Variants in CACNA1C observed in about 807,000 individuals in gnomAD.
The protein encoded by CACNA1C is voltage-dependent L-type calcium channel subunit alpha-1C.
In CACNA1C, 30 loss-of-function variants were observed where a neutral mutation model predicts 229.0. The ratio of observed to expected loss-of-function variants is 0.13; its 90% CI spans 0.10 to 0.18. The LOEUF (loss-of-function observed/expected upper bound fraction) is 0.18. Among genes scored for constraint, CACNA1C ranks in the 10% least tolerant of loss-of-function variants. CACNA1C has a pLI of 1.00. For synonymous variants in CACNA1C, 1,114 were observed against 1,132.5 expected, an observed-to-expected ratio of 0.98 and a Z score of 0.33; for missense variants, 1,658 against 2,845.0, an observed-to-expected ratio of 0.58 and a Z score of 9.49.
chr12:2,092,233 A>G (rs2071487163), intron 1 of CACNA1C, among the ~76,000 whole-genome samples: 1 of 152,182 alleles, frequency 6.6e-6, no homozygotes, highest in Admixed American at 6.5e-5. Context: ...GCCCCTACAT[A>G]AAGCATCCTT....
chr12:2,566,112 T>C lies in CACNA1C; in HGVS notation c.1509-310T>C, dbSNP rs1226389429. 2.0e-5 allele frequency among the ~76,000 whole-genome samples: 3 copies of C among 152,198 alleles called. No homozygotes were observed. Among genetic ancestry groups the C allele is most frequent in the African/African-American group, 7.2e-5 (3 of 41,440 alleles). On this transcript the variant is annotated intron_variant, in intron 11 of 46. Transcript: ENST00000399655. The surrounding 1 kb of genome is among the most constrained non-coding windows in gnomAD (Gnocchi z 4.0). ...CTGTTTCACAAAAATTAAAAAAACT[T>C]CCATTTATTGAGCATCTTCAACTTC...
In CACNA1C at chr12:2,647,177, C is replaced by CT. The variant is rs1202324727; in HGVS notation, c.3913-1296dup. Among the ~76,000 whole-genome samples, 1 of 152,216 alleles carries CT rather than the reference C, an allele frequency of 6.6e-6. No homozygotes were observed. The highest frequency in any genetic ancestry group is 1.9e-4 in the East Asian group (1 of 5,200). ...CATAACACATTTTCCTTGTTTGTACCTTAAAAACAGAAATACAAGAGCAAC... is the reference window on the plus strand; with the variant it reads ...CATAACACATTTTCCTTGTTTGTACCTTTAAAAACAGAAATACAAGAGCAAC... On this transcript the variant is annotated intron_variant, in intron 30 of 46. Coordinates refer to ENST00000399655, the MANE Select transcript of CACNA1C (RefSeq NM_000719.7). The surrounding 1 kb of genome is among the most constrained non-coding windows in gnomAD (Gnocchi z 4.2).
intron 3 of CACNA1C, among the ~76,000 whole-genome samples, chr12:2,269,358 A>G (rs1403775442): frequency 6.6e-6 from 1 of 152,160 alleles, no homozygotes; most frequent in East Asian, 1.9e-4. Context: ...ATGAACTTTG[A>G]GACTGTCTCT....
chr12:2,320,523 C>G (rs1020401704), intron 3 of CACNA1C, among the ~76,000 whole-genome samples: 1 of 152,182 alleles, frequency 6.6e-6, no homozygotes, highest in African/African-American at 2.4e-5. Context: ...ACCCTCTGCC[C>G]CCGCTCCTCC....
At chr12:2,188,766 A>G (rs1370830722) in intron 3 of CACNA1C, among the ~76,000 whole-genome samples, 1 of 152,120 alleles carries the variant, frequency 6.6e-6, no homozygotes, top group Non-Finnish European at 1.5e-5. Context: ...ATCCCAGATG[A>G]TACTAAATCA....
intron 1 of CACNA1C, among the ~76,000 whole-genome samples, chr12:2,043,326 T>C (rs2050464956): frequency 6.6e-6 from 1 of 152,210 alleles, no homozygotes. Flanking sequence ...TGGAGCTTAA[T>C]ATAATACAAA....
chr12:2,479,364 A>G lies in CACNA1C; in HGVS notation c.758-6740A>G, dbSNP rs560585732. Among the ~76,000 whole-genome samples the G allele has an allele frequency of 1.5e-3, 232 of 152,278 alleles. No homozygotes were observed. The highest frequency in any genetic ancestry group is 0.014 in the South Asian group (67 of 4,814). ...TGAAGTGCTGGGATTACAAGCCTAA[A>G]GCCACTGTGCCTGGCCTTGAACACC... is the stretch of plus-strand genomic sequence containing the variant. On this transcript the variant is annotated intron_variant, in intron 5 of 46. Transcript: ENST00000399655. This position sits in a 1 kb window ranked among gnomAD's most constrained non-coding sequence, Gnocchi z 4.3.
chr12:2,434,320 C>G (rs74059848), intron 3 of CACNA1C, among the ~76,000 whole-genome samples: 5,206 of 152,216 alleles, frequency 0.034, 301 homozygotes, highest in African/African-American at 0.12. Flanking sequence ...AATTCTAGAA[C>G]CACTAGGGGT....
At position 2,410,533 on chromosome 12, in the gene CACNA1C, A is replaced by G. The variant is rs1003349167; in HGVS notation, c.478-38443A>G. On this transcript the variant is annotated intron_variant, in intron 3 of 46. Transcript: ENST00000399655. The surrounding 1 kb of genome is among the most constrained non-coding windows in gnomAD (Gnocchi z 5.3). ...AATATTTAAAGTAAATGAGGAAAAA[A>G]TATGCTTGGAGTAAAAAGCATCTGG... is the stretch of plus-strand genomic sequence containing the variant. Among the ~76,000 whole-genome samples the G allele has an allele frequency of 9.2e-5, 14 of 152,260 alleles. No homozygotes were observed. Among genetic ancestry groups the G allele is most frequent in the Non-Finnish European group, 5.9e-5 (4 of 68,046 alleles).
chr12:2,100,464 C>G (rs1484429006), intron 1 of CACNA1C, among the ~76,000 whole-genome samples: 1 of 81,094 alleles, frequency 1.2e-5, no homozygotes, highest in African/African-American at 4.5e-5. Context: ...GAGACTCCAT[C>G]TCAAAAAAAA....
intron 18 of CACNA1C, among the ~76,000 whole-genome samples, chr12:2,588,505 CAG>C (rs1183963967): frequency 6.6e-6 from 1 of 152,218 alleles, no homozygotes; most frequent in Non-Finnish European, 1.5e-5. Context: ...AGTGATGTAT[CAG>C]AGTGGCCAAG....
At chr12:1,993,932 A>G (rs2040167282) in intron 1 of CACNA1C, among the ~76,000 whole-genome samples, 1 of 152,240 alleles carries the variant, frequency 6.6e-6, no homozygotes, top group Non-Finnish European at 1.5e-5. Flanking sequence ...GTGAGGACAC[A>G]GCCTGAACTA....
chr12:2,658,478 G>A (rs1316137181), intron 34 of CACNA1C, among the ~76,000 whole-genome samples: 2 of 152,138 alleles, frequency 1.3e-5, no homozygotes, highest in East Asian at 1.9e-4. Context: ...TCAGGTGTTC[G>A]TGGTGCTGCC....
At chr12:2,254,434 T>C (rs2076636679) in intron 3 of CACNA1C, among the ~76,000 whole-genome samples, 1 of 152,208 alleles carries the variant, frequency 6.6e-6, no homozygotes, top group Admixed American at 6.5e-5. Context: ...CTGTGAACTC[T>C]GTAACCCTGT....
chr12:2,680,291 C>T, intron 42 of CACNA1C: 5 of 1,159,666 alleles, frequency 4.3e-6, no homozygotes, highest in Non-Finnish European at 4.8e-6. Flanking sequence ...AGGATCATTC[C>T]TGGAGGTCTT....
At chr12:2,045,585 G>A (rs937107364) in intron 1 of CACNA1C, among the ~76,000 whole-genome samples, 8 of 152,160 alleles carry the variant, frequency 5.3e-5, no homozygotes, top group African/African-American at 1.7e-4. Context: ...CAGCACCTTC[G>A]TCACCACTCA....
At position 2,289,628 on chromosome 12, in the gene CACNA1C, A is replaced by C. The variant is rs181172878; in HGVS notation, c.478-159348A>C. Among the ~76,000 whole-genome samples the C allele has an allele frequency of 4.1e-4, 62 of 151,112 alleles. No homozygotes were observed. In the East Asian group the frequency reaches 0.011, roughly 27 times the overall value. On this transcript the variant is annotated intron_variant, in intron 3 of 46. Coordinates refer to ENST00000399655, the MANE Select transcript of CACNA1C (RefSeq NM_000719.7). The stretch of plus-strand genomic sequence containing the variant: ...TGGGGATACAGCGGTGGGTGAGATA[A>C]AGGCACGACGCCCTCACCGAGACTT...
intron 3 of CACNA1C, among the ~76,000 whole-genome samples, chr12:2,224,707 T>C (rs78669655): frequency 0.022 from 3,373 of 152,290 alleles, 83 homozygotes; most frequent in African/African-American, 0.056. Flanking sequence ...TTAGCATTCT[T>C]CGTATAAGTA....
At chr12:2,583,027 C>T (rs1283380660) in intron 15 of CACNA1C, 85 bp downstream of exon 15, 1 of 995,756 alleles carries the variant, frequency 1.0e-6, no homozygotes, top group African/African-American at 1.6e-5. Flanking sequence ...CCCTCAGGTC[C>T]GGGCGGTCCT....
Sources: gnomAD v4.1 joint callset for allele counts (sites outside exome capture counted in the v4.1 genomes callset) on GRCh38, gnomAD v4.1.1 for gene constraint, Gnocchi (gnomAD v3.1) non-coding constraint, MANE v1.5 for transcripts, NCBI Gene and HGNC (gene_info 2026-07-23, HGNC 2026-07-21) for gene names.